The following FBXL7 variants were observed in gnomAD, a reference collection of about 807,000 sequenced individuals.
FBXL7 encodes F-box and leucine rich repeat protein 7, also known as F-box/LRR-repeat protein 7.
A neutral mutation model predicts 38.3 loss-of-function variants in FBXL7; 12 were observed. The observed-to-expected ratio is 0.31, with a 90% CI of 0.20 to 0.51. FBXL7 has a LOEUF of 0.51. Among genes scored for constraint, FBXL7 ranks in the 20% least tolerant of loss-of-function variants. FBXL7 has a pLI of 0.98. For missense variants in FBXL7, 567 were observed against 676.4 expected (o/e 0.84, Z 1.79); for synonymous variants, 297 against 300.9 (o/e 0.99, Z 0.13).
At chr5:15,756,064 T>C (rs762438691) in intron 2 of FBXL7, among the ~76,000 whole-genome samples, 9 of 152,234 alleles carry the variant, frequency 5.9e-5, no homozygotes, top group Non-Finnish European at 1.3e-4. Context: ...AATTGGTATT[T>C]GCAGCTGTAC....
At chr5:15,554,300 C>T (rs1020058642) in intron 1 of FBXL7, among the ~76,000 whole-genome samples, 3 of 152,120 alleles carry the variant, frequency 2.0e-5, no homozygotes, top group African/African-American at 7.2e-5. Flanking sequence ...TCCTTCCTCA[C>T]TCTATATCTC....
chr5:15,617,439 A>C (rs1337734850), intron 2 of FBXL7, among the ~76,000 whole-genome samples: 1 of 125,828 alleles, frequency 7.9e-6, no homozygotes, highest in African/African-American at 2.7e-5. Context: ...TTATTTATTT[A>C]TTTATTTATT....
intron 2 of FBXL7, among the ~76,000 whole-genome samples, chr5:15,616,442 T>C (rs1435277246): frequency 4.6e-5 from 7 of 152,234 alleles, no homozygotes; most frequent in South Asian, 2.1e-4. Flanking sequence ...ACTTTCAAAA[T>C]AGGCACACCT....
chr5:15,514,835 C>T (rs138151809), intron 1 of FBXL7, among the ~76,000 whole-genome samples: 47 of 152,208 alleles, frequency 3.1e-4, no homozygotes, highest in African/African-American at 1.1e-3. Context: ...GTTCAGGGAG[C>T]GGGGAGCCAC....
chr5:15,702,584 G>A (rs1233519711), intron 2 of FBXL7, among the ~76,000 whole-genome samples: 1 of 151,988 alleles, frequency 6.6e-6, no homozygotes, highest in Non-Finnish European at 1.5e-5. Flanking sequence ...TTTTCAATAG[G>A]TTCATTGTTA....
chr5:15,832,794 A>C (rs1738491430), intron 2 of FBXL7, among the ~76,000 whole-genome samples: 1 of 152,112 alleles, frequency 6.6e-6, no homozygotes, highest in Non-Finnish European at 1.5e-5. Context: ...CCTATAACAA[A>C]ATACCATAAA....
intron 2 of FBXL7, among the ~76,000 whole-genome samples, chr5:15,903,389 T>C (rs1378995185): frequency 6.6e-6 from 1 of 152,186 alleles, no homozygotes; most frequent in Non-Finnish European, 1.5e-5. Flanking sequence ...ACCCTCTGCA[T>C]TGACATGGTT....
intron 2 of FBXL7, among the ~76,000 whole-genome samples, chr5:15,751,225 A>G (rs1226425974): frequency 6.8e-6 from 1 of 148,034 alleles, no homozygotes; most frequent in South Asian, 2.3e-4. Context: ...TTTTGTTCCC[A>G]TAAGGCTCTA....
At position 15,612,816 on chromosome 5, in the gene FBXL7, C is replaced by T. The variant is rs565171003; in HGVS notation, c.38-3167C>T. Reference sequence around the variant, plus strand: ...AAGTGATATGCAGGTTGAGTCCTCACGCAGCCGGGAGTGGGCACGTGCATG... The same window carrying T: ...AAGTGATATGCAGGTTGAGTCCTCATGCAGCCGGGAGTGGGCACGTGCATG... On this transcript the variant is annotated intron_variant, in intron 1 of 3. Transcript: ENST00000504595. Among the ~76,000 whole-genome samples, 16 of 152,282 alleles carry T rather than the reference C, an allele frequency of 1.1e-4. 1 individual carries two copies. The South Asian group carries it at 2.3e-3, about 22-fold the overall frequency.
At chr5:15,931,426 C>T (rs891754326) in intron 3 of FBXL7, among the ~76,000 whole-genome samples, 10 of 152,148 alleles carry the variant, frequency 6.6e-5, no homozygotes, top group Admixed American at 5.2e-4. Context: ...CAGTAGAGTC[C>T]TGTTCAGGTG....
intron 1 of FBXL7, among the ~76,000 whole-genome samples, chr5:15,597,171 C>T (rs1343802621): frequency 1.3e-5 from 2 of 152,078 alleles, no homozygotes; most frequent in African/African-American, 4.8e-5. Context: ...CTAGGATACC[C>T]AGCTGGAGAA....
In FBXL7 at chr5:15,879,193, C is replaced by T. The variant is rs60910436; in HGVS notation, c.128-48697C>T. 5.6e-3 allele frequency among the ~76,000 whole-genome samples: 853 copies of T among 152,312 alleles called. 13 individuals are homozygous for T. The highest frequency in any genetic ancestry group is 0.019 in the African/African-American group (807 of 41,568). On this transcript the variant is annotated intron_variant, in intron 2 of 3. Coordinates refer to ENST00000504595, the MANE Select transcript of FBXL7 (RefSeq NM_012304.5). ...AAGTCATGCAAAATATGCTAGTATG[C>T]TAGCCGATTAAACTGGAAGCCCAGC...
At chr5:15,818,703 CGTGTGT>C (rs3222099) in intron 2 of FBXL7, among the ~76,000 whole-genome samples, 38 of 116,830 alleles carry the variant, frequency 3.3e-4, no homozygotes, top group South Asian at 8.6e-4. Context: ...CCCATTATTT[CGTGTGT>C]GTGTGTGTGT....
intron 1 of FBXL7, among the ~76,000 whole-genome samples, chr5:15,600,859 G>T (rs1248311242): frequency 6.6e-6 from 1 of 152,110 alleles, no homozygotes; most frequent in Non-Finnish European, 1.5e-5. Flanking sequence ...GTGACAGTAA[G>T]GCACAAAGGT....
intron 1 of FBXL7, among the ~76,000 whole-genome samples, chr5:15,593,880 A>C (rs929079149): frequency 3.9e-5 from 6 of 152,122 alleles, no homozygotes; most frequent in African/African-American, 1.4e-4. Context: ...AAATTTAGTT[A>C]TTTTCATATT....
intron 1 of FBXL7, among the ~76,000 whole-genome samples, chr5:15,521,869 T>C (rs1353451915): frequency 6.6e-6 from 1 of 152,260 alleles, no homozygotes; most frequent in Non-Finnish European, 1.5e-5. Context: ...GTTGGATAAA[T>C]TAAATCCTTA....
At chr5:15,744,240 T>G (rs1735958747) in intron 2 of FBXL7, among the ~76,000 whole-genome samples, 1 of 152,232 alleles carries the variant, frequency 6.6e-6, no homozygotes, top group African/African-American at 2.4e-5. Context: ...TCCAAACTTT[T>G]GTGCTCTGCT....
At chr5:15,563,092 A>G (rs986534989) in intron 1 of FBXL7, among the ~76,000 whole-genome samples, 5 of 152,130 alleles carry the variant, frequency 3.3e-5, no homozygotes, top group Non-Finnish European at 5.9e-5. Context: ...CAATGCTTCC[A>G]TATGTCTTCT....
chr5:15,604,605 T>TGATTA (rs1739941921), intron 1 of FBXL7, among the ~76,000 whole-genome samples: 5 of 152,182 alleles, frequency 3.3e-5, no homozygotes, highest in African/African-American at 7.2e-5. Flanking sequence ...TCCACCTACC[T>TGATTA]CGGCCTCCCA....
Sources: gnomAD v4.1 joint callset for allele counts (sites outside exome capture counted in the v4.1 genomes callset) on GRCh38, gnomAD v4.1.1 for gene constraint, MANE v1.5 for transcripts, NCBI Gene and HGNC (gene_info 2026-07-23, HGNC 2026-07-21) for gene names.